ARL15: variants seen among roughly 807,000 people sequenced by gnomAD.
ARL15 encodes the protein ARF like GTPase 15, also known as ADP-ribosylation factor-like protein 15.
ARL15 carries 19 observed loss-of-function variants against 25.2 expected under a neutral mutation model. The ratio of observed to expected loss-of-function variants is 0.75; its 90% confidence interval spans 0.53 to 1.10. ARL15 has a LOEUF of 1.10. ARL15 is among the 50% of genes least tolerant of loss of function. The pLI is 0.00. For synonymous variants in ARL15, 94 were observed against 86.8 expected, an observed-to-expected ratio of 1.08 and a Z score of -0.46; for missense variants, 220 against 246.0, an observed-to-expected ratio of 0.89 and a Z score of 0.71.
intron 4 of ARL15, among the ~76,000 whole-genome samples, chr5:53,907,487 T>TTTTTG (rs1745303306): frequency 3.2e-5 from 1 of 31,678 alleles, no homozygotes; most frequent in African/African-American, 1.5e-4. Context: ...TATATATATA[T>TTTTTG]ATTTTTTTTT....
At chr5:54,184,439 TAA>T (rs527755025) in intron 1 of ARL15, among the ~76,000 whole-genome samples, 19 of 69,102 alleles carry the variant, frequency 2.7e-4, no homozygotes, top group South Asian at 7.5e-4. Flanking sequence ...ACACTGTCTT[TAA>T]AAAAAAAAAA....
At chr5:53,910,395 T>A (rs942319479) in intron 4 of ARL15, among the ~76,000 whole-genome samples, 1 of 152,034 alleles carries the variant, frequency 6.6e-6, no homozygotes, top group Non-Finnish European at 1.5e-5. Flanking sequence ...GTCTCAACAT[T>A]ACTTAATGCC....
At chr5:54,049,477 TG>T (rs1750639482) in intron 4 of ARL15, among the ~76,000 whole-genome samples, 1 of 152,224 alleles carries the variant, frequency 6.6e-6, no homozygotes, top group Non-Finnish European at 1.5e-5. Flanking sequence ...ATATATCCTA[TG>T]GTTTGGAGGT....
At chr5:54,029,171 C>T (rs1749882619) in intron 4 of ARL15, among the ~76,000 whole-genome samples, 1 of 152,112 alleles carries the variant, frequency 6.6e-6, no homozygotes, top group South Asian at 2.1e-4. Flanking sequence ...TGGGCAACTT[C>T]CTTAAGGAAT....
chr5:54,016,656 C>T (rs1227666239), intron 4 of ARL15, among the ~76,000 whole-genome samples: 1 of 152,168 alleles, frequency 6.6e-6, no homozygotes, highest in Non-Finnish European at 1.5e-5. Flanking sequence ...CAGGCCTCCA[C>T]TTATTGCTGT....
intron 4 of ARL15, among the ~76,000 whole-genome samples, chr5:53,968,245 C>G (rs1049622026): frequency 6.6e-6 from 1 of 152,150 alleles, no homozygotes; most frequent in Non-Finnish European, 1.5e-5. Context: ...TTCAGATGAT[C>G]GATCACTTTC....
At chr5:53,991,276 T>TC (rs1484586938) in intron 4 of ARL15, among the ~76,000 whole-genome samples, 1 of 152,102 alleles carries the variant, frequency 6.6e-6, no homozygotes, top group Non-Finnish European at 1.5e-5. Flanking sequence ...GTACGGTGGC[T>TC]CACGCCTGTA....
At chr5:54,063,234 T>C (rs1044045707) in intron 4 of ARL15, among the ~76,000 whole-genome samples, 1 of 152,224 alleles carries the variant, frequency 6.6e-6, no homozygotes, top group African/African-American at 2.4e-5. Context: ...CTTGACAGAC[T>C]ATGGGCTGGT....
chr5:54,106,327 G>A (rs951140596), intron 4 of ARL15, among the ~76,000 whole-genome samples: 2 of 152,160 alleles, frequency 1.3e-5, no homozygotes, highest in African/African-American at 4.8e-5. Context: ...ATTGGCTTGA[G>A]TAAAGAGAGA....
rs1300367926 is a variant in ARL15, at chr5:54,138,474, A to T, written c.253+16106T>A. Among the ~76,000 whole-genome samples, 3 of 150,584 alleles carry T rather than the reference A, an allele frequency of 2.0e-5. No homozygotes were observed. In the East Asian group the frequency reaches 5.8e-4, roughly 29 times the overall value. On this transcript the variant is annotated intron_variant, in intron 3 of 4. Transcript: ENST00000504924. ...TGGAAAACAAGATGACCAGATGTAG[A>T]AGAACAAAACTGGATCCCTACCTCT...
chr5:54,169,012 A>G (rs1402568301), intron 2 of ARL15, among the ~76,000 whole-genome samples: 2 of 152,212 alleles, frequency 1.3e-5, no homozygotes, highest in African/African-American at 4.8e-5. Context: ...CAGGTTCAGA[A>G]CAATGACAAC....
intron 2 of ARL15, among the ~76,000 whole-genome samples, chr5:54,157,925 G>A (rs1289687743): frequency 1.3e-5 from 2 of 152,088 alleles, no homozygotes; most frequent in African/African-American, 4.8e-5. Context: ...ATAAGAAAAT[G>A]TACTATTTAC....
intron 1 of ARL15, among the ~76,000 whole-genome samples, chr5:54,226,023 C>T (rs1361523411): frequency 6.6e-6 from 1 of 152,118 alleles, no homozygotes; most frequent in Non-Finnish European, 1.5e-5. Flanking sequence ...AAGCATTTAG[C>T]CCAATGTGAT....
intron 4 of ARL15, among the ~76,000 whole-genome samples, chr5:53,917,595 A>G (rs1186395408): frequency 6.6e-6 from 1 of 152,214 alleles, no homozygotes; most frequent in Non-Finnish European, 1.5e-5. Flanking sequence ...TGGGGACTAC[A>G]CATCAGAAAA....
At chr5:54,084,953 G>T (rs558645422) in intron 4 of ARL15, among the ~76,000 whole-genome samples, 1 of 152,286 alleles carries the variant, frequency 6.6e-6, no homozygotes, top group East Asian at 1.9e-4. Flanking sequence ...GCTGTTTTAT[G>T]GTTCAGATAT....
intron 4 of ARL15, among the ~76,000 whole-genome samples, chr5:53,910,058 G>T (rs1745402460): frequency 1.3e-5 from 2 of 152,162 alleles, no homozygotes; most frequent in Non-Finnish European, 2.9e-5. Flanking sequence ...GTTTCTGGAA[G>T]GTGGGCAACC....
At chr5:54,275,336 C>A (rs192283339) in intron 1 of ARL15, among the ~76,000 whole-genome samples, 4 of 152,312 alleles carry the variant, frequency 2.6e-5, no homozygotes, top group Non-Finnish European at 5.9e-5. Context: ...AGGAGTAGAA[C>A]CCCTAGAGTC....
chr5:53,990,101 G>A (rs538534091), intron 4 of ARL15, among the ~76,000 whole-genome samples: 5 of 152,146 alleles, frequency 3.3e-5, no homozygotes, highest in African/African-American at 9.6e-5. Context: ...GGTGGCACAC[G>A]CCTGTGGTCC....
chr5:53,991,564 G>T (rs532012153), intron 4 of ARL15, among the ~76,000 whole-genome samples: 925 of 79,884 alleles, frequency 0.012, 27 homozygotes, highest in African/African-American at 0.041. Flanking sequence ...AAAAAAAAGG[G>T]GGGGCGGGGG....
Sources: gnomAD v4.1 joint callset for allele counts (sites outside exome capture counted in the v4.1 genomes callset) on GRCh38, gnomAD v4.1.1 for gene constraint, MANE v1.5 for transcripts, NCBI Gene and HGNC (gene_info 2026-07-23, HGNC 2026-07-21) for gene names.